CPS1: variants seen among roughly 807,000 people sequenced by gnomAD.
The protein encoded by CPS1 is carbamoyl-phosphate synthase 1.
Under a neutral mutation model 174.6 loss-of-function variants are expected in CPS1, and 109 were observed. The observed-to-expected ratio is 0.62, with a 90% confidence interval of 0.53 to 0.73. CPS1 has a LOEUF of 0.73. CPS1 is among the 30% of genes least tolerant of loss of function. The probability of loss-of-function intolerance (pLI) is 0.00; values close to 1 mark genes in which losing one functional copy is unlikely to be tolerated. For missense variants in CPS1, 1,689 were observed against 1,821.9 expected, an observed-to-expected ratio of 0.93 and a Z score of 1.33; for synonymous variants, 637 against 632.0, an observed-to-expected ratio of 1.01 and a Z score of -0.12.
chr2:210,479,032 GA>G (rs1404514683), intron 1 of CPS1, among the ~76,000 whole-genome samples: 1 of 151,106 alleles, frequency 6.6e-6, no homozygotes, highest in Non-Finnish European at 1.5e-5. Context: ...TGATACAAAA[GA>G]AAAGTATTTA....
At chr2:210,642,334 G>A in intron 24 of CPS1, 150 bp from the exon 25 acceptor site, 1 of 890,482 alleles carries the variant, frequency 1.1e-6, no homozygotes. Context: ...TGCATCATGG[G>A]TTTGAAATTT....
intron 6 of CPS1, among the ~76,000 whole-genome samples, chr2:210,584,575 T>G (rs1224273268): frequency 6.6e-6 from 1 of 152,090 alleles, no homozygotes; most frequent in Non-Finnish European, 1.5e-5. Flanking sequence ...GCAGCTCTGG[T>G]CTTCAAGGAA....
At chr2:210,666,598 G>A (rs1477639977) in intron 33 of CPS1, among the ~76,000 whole-genome samples, 1 of 152,120 alleles carries the variant, frequency 6.6e-6, no homozygotes, top group Non-Finnish European at 1.5e-5. Context: ...TTTCCCCATT[G>A]CTTGTTTTTC....
At chr2:210,627,248 C>T (rs969557361) in intron 21 of CPS1, among the ~76,000 whole-genome samples, 3 of 152,090 alleles carry the variant, frequency 2.0e-5, no homozygotes, top group Non-Finnish European at 4.4e-5. Context: ...AAAATGTAAA[C>T]AGGATTTTCA....
chr2:210,590,941 G>A lies in CPS1; in HGVS notation c.947+35G>A. The A allele has an allele frequency of 2.0e-6, 3 of 1,523,302 alleles. No homozygotes were observed. In the Admixed American group the frequency reaches 5.1e-5, roughly 26 times the overall value. 94.4% of individuals were successfully genotyped at this position (1,523,302 alleles called of 1,614,324 possible). ...TTTCACTTTTGCTTACAGTAAACCAGCTCTGACATACTAACTAAATACAAA... is the reference window on the plus strand; with the variant it reads ...TTTCACTTTTGCTTACAGTAAACCAACTCTGACATACTAACTAAATACAAA... On this transcript the variant is annotated intron_variant, in intron 9 of 37. Transcript: ENST00000233072.
At chr2:210,477,743 A>G (rs776620867) in exon 1 of CPS1, 1 of 1,613,352 alleles carries the variant, frequency 6.2e-7, no homozygotes, top group Non-Finnish European at 8.5e-7. Context: ...CATCAAATTC[A>G]TGAAGATTTA....
At position 210,648,504 on chromosome 2, in the gene CPS1, A is replaced by C; in HGVS notation, c.3368A>C (p.Asp1123Ala). ...GCACTGGAATTTGCAAAGTCTGTGG[A>C]CTACCCCTGCTTGTTGAGGCCTTCC... is the stretch of plus-strand genomic sequence containing the variant. Reference protein sequence around the residue: ...NEALEFAKSVDYPCLLRPSYV... With the variant: ...NEALEFAKSVAYPCLLRPSYV... Residue 1123 changes from aspartate to alanine, a missense_variant, in exon 27 of 38, where the codon GAC (aspartate) becomes GCC (alanine). Asp to Ala is a moderately radical substitution (Grantham distance 126). Coordinates refer to ENST00000233072, the MANE Select transcript of CPS1 (RefSeq NM_001875.5). 6.2e-7 allele frequency: 1 copy of C among 1,613,520 alleles called. No homozygotes were observed. Among genetic ancestry groups the C allele is most frequent in the Non-Finnish European group, 8.5e-7 (1 of 1,179,608 alleles).
chr2:210,531,292 A>G (rs1696107697), intron 1 of CPS1, among the ~76,000 whole-genome samples: 1 of 152,064 alleles, frequency 6.6e-6, no homozygotes, highest in African/African-American at 2.4e-5. Context: ...CCAGTTTGTA[A>G]TTTTGAACAG....
At chr2:210,650,885 A>G (rs1349223479) in intron 28 of CPS1, among the ~76,000 whole-genome samples, 5 of 152,208 alleles carry the variant, frequency 3.3e-5, no homozygotes, top group Non-Finnish European at 2.9e-5. Context: ...TGCCTAGTCA[A>G]ACATGCAACT....
At chr2:210,641,701 A>G (rs1490552745) in intron 24 of CPS1, among the ~76,000 whole-genome samples, 1 of 152,234 alleles carries the variant, frequency 6.6e-6, no homozygotes, top group Non-Finnish European at 1.5e-5. Context: ...CAGGATCCAA[A>G]GAAGACTAGT....
At chr2:210,613,699 G>A (rs1699207957) in intron 20 of CPS1, among the ~76,000 whole-genome samples, 1 of 151,782 alleles carries the variant, frequency 6.6e-6, no homozygotes, top group African/African-American at 2.4e-5. Context: ...CAAGTTCCCA[G>A]CTAAGCTGTA....
rs1254404599 is a variant in CPS1, at chr2:210,629,894, CA to C, written c.2688-7798del. ...TGAAACCCCGACTCTAATAAAAATA[CA>C]AAAAAAAAATTAAATTAAAAAAATA... On this transcript the variant is annotated intron_variant, in intron 21 of 37. Transcript: ENST00000233072. 3.0e-3 allele frequency among the ~76,000 whole-genome samples: 433 copies of C among 142,600 alleles called. 3 individuals are homozygous for C. The highest frequency in any genetic ancestry group is 4.5e-3 in the Non-Finnish European group (294 of 65,002). 93.6% of individuals were successfully genotyped at this position (142,600 alleles called of 152,430 possible). A position where few individuals can be genotyped will look rare whatever the true frequency, so the allele number is the denominator to read the frequency against.
intron 24 of CPS1, among the ~76,000 whole-genome samples, 190 bp from the exon 25 acceptor site, chr2:210,642,294 G>A (rs1431106443): frequency 6.6e-6 from 1 of 152,106 alleles, no homozygotes; most frequent in African/African-American, 2.4e-5. Context: ...TGTTTAATTA[G>A]TACCCATTTT....
intron 21 of CPS1, among the ~76,000 whole-genome samples, chr2:210,622,451 A>G (rs1699560049): frequency 6.6e-6 from 1 of 151,672 alleles, no homozygotes; most frequent in Admixed American, 6.6e-5. Context: ...AGGTGTAGAT[A>G]ACATCTAGAG....
At chr2:210,544,817 G>T (rs1019945490) in intron 1 of CPS1, among the ~76,000 whole-genome samples, 1 of 152,006 alleles carries the variant, frequency 6.6e-6, no homozygotes, top group African/African-American at 2.4e-5. Flanking sequence ...TAGTCTTAAA[G>T]TTTAAGATAT....
chr2:210,557,557 T>C (rs1333989416), intron 1 of CPS1, among the ~76,000 whole-genome samples: 1 of 152,050 alleles, frequency 6.6e-6, no homozygotes, highest in African/African-American at 2.4e-5. Context: ...CATTGAATTA[T>C]GAAATTCCTG....
chr2:210,518,629 C>T (rs964852613), intron 1 of CPS1, among the ~76,000 whole-genome samples: 1 of 152,006 alleles, frequency 6.6e-6, no homozygotes, highest in Non-Finnish European at 1.5e-5. Context: ...GGAACAGGGT[C>T]TCATTCTGTG....
intron 1 of CPS1, among the ~76,000 whole-genome samples, chr2:210,562,810 G>T (rs1055828424): frequency 2.0e-5 from 3 of 150,936 alleles, no homozygotes; most frequent in Non-Finnish European, 4.4e-5. Context: ...CATAATCCCA[G>T]AGTAAATTAT....
chr2:210,523,372 A>C (rs1406593916), intron 1 of CPS1, among the ~76,000 whole-genome samples: 3 of 152,008 alleles, frequency 2.0e-5, no homozygotes, highest in Non-Finnish European at 4.4e-5. Context: ...ATTTTTTTGT[A>C]TAATGTATTT....
Sources: gnomAD v4.1 joint callset for allele counts (sites outside exome capture counted in the v4.1 genomes callset) on GRCh38, gnomAD v4.1.1 for gene constraint, MANE v1.5 for transcripts, NCBI Gene and HGNC (gene_info 2026-07-23, HGNC 2026-07-21) for gene names.